DNAH17: variants seen among roughly 807,000 people sequenced by gnomAD.
DNAH17 encodes the protein dynein axonemal heavy chain 17, also known as axonemal beta dynein heavy chain 17.
DNAH17 carries 376 observed loss-of-function variants against 485.6 expected under a neutral mutation model. That is an observed-to-expected ratio of 0.77 (90% CI 0.71 to 0.84). DNAH17 has a LOEUF of 0.84. DNAH17 is among the 40% of genes least tolerant of loss of function. DNAH17 has a pLI of 0.00. For synonymous variants in DNAH17, 3,031 were observed against 2,405.9 expected, an observed-to-expected ratio of 1.26 and a Z score of -7.60; for missense variants, 6,370 against 5,839.3, an observed-to-expected ratio of 1.09 and a Z score of -2.96.
chr17:78,530,338 C>A lies in DNAH17; in HGVS notation c.3284+5G>T, dbSNP rs200817187. On this transcript the variant is annotated splice_donor_5th_base_variant and intron_variant, in intron 21 of 80. Coordinates refer to ENST00000389840, the MANE Select transcript of DNAH17 (RefSeq NM_173628.4). The stretch of plus-strand genomic sequence containing the variant: ...GGCTCCCCGAGTACATGGCTGGGGA[C>A]CCACCTGTTGGTGACGTGGTTGCTC... The A allele has an allele frequency of 1.9e-5, 31 of 1,603,664 alleles. No individual in the cohort carries two copies. The Admixed American group carries it at 5.2e-4, about 27-fold the overall frequency.
intron 52 of DNAH17, among the ~76,000 whole-genome samples, chr17:78,476,229 C>T (rs1422178740): frequency 2.3e-5 from 3 of 129,122 alleles, no homozygotes; most frequent in Admixed American, 2.3e-4. Flanking sequence ...CCGGAGTTAT[C>T]GCGTGGAACC....
At chr17:78,472,892 C>T (rs2088829912) in intron 54 of DNAH17, 2 of 339,116 alleles carry the variant, frequency 5.9e-6, no homozygotes, top group Non-Finnish European at 1.2e-5. Context: ...TCCTAGAACA[C>T]TACCACATCC....
At chr17:78,564,838 G>C (rs963469904) in intron 11 of DNAH17, among the ~76,000 whole-genome samples, 1 of 151,964 alleles carries the variant, frequency 6.6e-6, no homozygotes, top group Admixed American at 6.6e-5. Flanking sequence ...TATGAGGGAA[G>C]GCCATTGCTG....
At chr17:78,474,296 G>A (rs761138848) in intron 54 of DNAH17, among the ~76,000 whole-genome samples, 3 of 152,246 alleles carry the variant, frequency 2.0e-5, no homozygotes, top group Non-Finnish European at 2.9e-5. Context: ...GAGAAGGCAT[G>A]GCCGTGTAGG....
At chr17:78,544,121 T>C (rs1193153030) in intron 16 of DNAH17, 124 bp from the exon 17 acceptor site, 1 of 1,365,390 alleles carries the variant, frequency 7.3e-7, no homozygotes, top group South Asian at 1.3e-5. Context: ...TGGAGTCTAG[T>C]TCTCCACGAT....
At position 78,425,448 on chromosome 17, in the gene DNAH17, G is replaced by A. The variant is rs1178528597; in HGVS notation, c.13039C>T (p.Leu4347=). 1 of 1,613,908 alleles carries A rather than the reference G, an allele frequency of 6.2e-7. No homozygotes were observed. The highest frequency in any genetic ancestry group is 8.5e-7 in the Non-Finnish European group (1 of 1,179,920). Residue 4347 remains leucine (L), a synonymous_variant, in exon 80 of 81, where the codon CTG becomes TTG. Coordinates refer to ENST00000389840, the MANE Select transcript of DNAH17 (RefSeq NM_173628.4). Reference sequence around the variant, plus strand: ...TCGACAGACAGACACATCTTGTCCAGGGGCCACTCGTTCTTCCTGGCCATG... The same window carrying A: ...TCGACAGACAGACACATCTTGTCCAAGGGCCACTCGTTCTTCCTGGCCATG... ...QSMARKNEWP[L]DKMCLSVEVT... is the part of the protein sequence containing the mutation.
chr17:78,539,237 TAAA>T (rs1568218205), intron 18 of DNAH17, among the ~76,000 whole-genome samples: 2 of 151,288 alleles, frequency 1.3e-5, no homozygotes. Flanking sequence ...CTCAAAAAAA[TAAA>T]AAAATAAAAT....
At chr17:78,572,433 CAT>C (rs1452156599) in intron 3 of DNAH17, among the ~76,000 whole-genome samples, 14 of 152,238 alleles carry the variant, frequency 9.2e-5, no homozygotes, top group South Asian at 8.3e-4. Context: ...GATCGGCACA[CAT>C]GTGTGACCCA....
chr17:78,559,231 C>T (rs2092098064), intron 13 of DNAH17, among the ~76,000 whole-genome samples: 2 of 152,236 alleles, frequency 1.3e-5, no homozygotes, highest in Non-Finnish European at 2.9e-5. Flanking sequence ...CCAACCCCAG[C>T]CTCTCTCGTG....
intron 42 of DNAH17, among the ~76,000 whole-genome samples, chr17:78,492,407 C>T (rs936663333): frequency 1.1e-4 from 17 of 152,188 alleles, no homozygotes; most frequent in Non-Finnish European, 1.2e-4. Flanking sequence ...CAGTCCTCAC[C>T]GTCCCAGCTC....
intron 9 of DNAH17, among the ~76,000 whole-genome samples, chr17:78,567,965 C>T (rs959833238): frequency 9.9e-5 from 15 of 152,166 alleles, no homozygotes; most frequent in Non-Finnish European, 2.1e-4. Flanking sequence ...ACATCACTCC[C>T]CTGAACTGGT....
Position 78,452,744 on chromosome 17 carries a change from CA to C in DNAH17, c.10529+598del, listed in dbSNP as rs151269854. On this transcript the variant is annotated intron_variant, in intron 65 of 80. Coordinates refer to ENST00000389840, the MANE Select transcript of DNAH17 (RefSeq NM_173628.4). ...CAGAGCGAGACTCCATCTCAAAAAA[CA>C]AACAAAAAATGCTGAGTAAAAAGAG... Among the ~76,000 whole-genome samples the C allele has an allele frequency of 5.1e-3, 773 of 152,196 alleles. 5 individuals carry two copies. Among genetic ancestry groups the C allele is most frequent in the African/African-American group, 0.018 (740 of 41,530 alleles).
At chr17:78,540,217 C>CTTTGA (rs61514530) in intron 17 of DNAH17, among the ~76,000 whole-genome samples, 113,819 of 148,772 alleles carry the variant, frequency 0.77, 43,626 homozygotes, top group African/African-American at 0.78. Flanking sequence ...TTTTATTTGT[C>CTTTGA]TTTGTCTTTG....
intron 16 of DNAH17, among the ~76,000 whole-genome samples, chr17:78,550,570 C>T (rs1008568374): frequency 1.3e-5 from 2 of 152,140 alleles, no homozygotes; most frequent in Non-Finnish European, 2.9e-5. Context: ...GAGGGAGGAC[C>T]CTGTGAAGCC....
chr17:78,449,709 G>GA, intron 68 of DNAH17, 125 bp from the exon 69 acceptor site: 1 of 997,098 alleles, frequency 1.0e-6, no homozygotes, highest in Non-Finnish European at 1.5e-6. Context: ...ACAGAGTCTT[G>GA]CTCTGTCGCC....
In DNAH17 at chr17:78,480,809, A is replaced by T. The variant is rs753806821; in HGVS notation, c.7650-23T>A. The T allele has an allele frequency of 8.2e-6, 13 of 1,577,822 alleles. No individual in the cohort carries two copies. The South Asian group carries it at 1.5e-4, about 18-fold the overall frequency. On this transcript the variant is annotated intron_variant, in intron 48 of 80. Transcript: ENST00000389840. ...TACCTGAGGGGGGAAACCAGCATTC[A>T]TGTTGTGCCCCTGGCCTGGAGGAAC...
Position 78,506,450 on chromosome 17 carries a change from C to G in DNAH17, c.4803+270G>C, listed in dbSNP as rs148832493. ...CTTACTAAGCCTCTGGCATACGACC[C>G]ATTTTCTAGAAGGGGAAAATGAGGC... On this transcript the variant is annotated intron_variant, in intron 30 of 80. Coordinates refer to ENST00000389840, the MANE Select transcript of DNAH17 (RefSeq NM_173628.4). 7.2e-5 allele frequency among the ~76,000 whole-genome samples: 11 copies of G among 152,282 alleles called. No homozygotes were observed. In the East Asian group the frequency reaches 2.1e-3, roughly 29 times the overall value.
In DNAH17 at chr17:78,496,050, C is replaced by T; in HGVS notation, c.5746-18G>A. The T allele has an allele frequency of 6.2e-6, 10 of 1,606,256 alleles. No homozygotes were observed. Among genetic ancestry groups the T allele is most frequent in the Non-Finnish European group, 8.5e-6 (10 of 1,174,328 alleles). ...CATTTTACCTGCACGGTTGGTGACA[C>T]AGACATGTTAGCATGGAAATGGCCA... is the stretch of plus-strand genomic sequence containing the variant. On this transcript the variant is annotated intron_variant, in intron 37 of 80. Transcript: ENST00000389840.
intron 60 of DNAH17, 138 bp downstream of exon 60, chr17:78,459,646 G>T: frequency 2.3e-6 from 2 of 885,076 alleles, no homozygotes; most frequent in Non-Finnish European, 3.5e-6. Flanking sequence ...TTCTTGGGGT[G>T]CTGTATGGGG....
Sources: allele counts gnomAD v4.1 joint callset (sites outside exome capture counted in the v4.1 genomes callset), GRCh38; gene constraint gnomAD v4.1.1; transcripts MANE v1.5; gene names NCBI Gene and HGNC (gene_info 2026-07-23, HGNC 2026-07-21).